The following LRRC43 variants were observed in gnomAD, a reference collection of about 807,000 sequenced individuals.
The protein encoded by LRRC43 is leucine rich repeat containing 43.
Under a neutral mutation model 64.3 loss-of-function variants are expected in LRRC43, and 62 were observed. That is an observed-to-expected ratio of 0.96 (90% confidence interval 0.79 to 1.19). LRRC43 has a LOEUF of 1.19. LRRC43 is among the 50% of genes most tolerant of loss of function. The pLI is 0.00. For missense variants in LRRC43, 868 were observed against 845.0 expected, an observed-to-expected ratio of 1.03 and a Z score of -0.34; for synonymous variants, 422 against 382.3, an observed-to-expected ratio of 1.10 and a Z score of -1.21.
intron 1 of LRRC43, among the ~76,000 whole-genome samples, chr12:122,175,742 C>G (rs1279216883): frequency 6.6e-6 from 1 of 152,062 alleles, no homozygotes; most frequent in African/African-American, 2.4e-5. Context: ...TCTCGGCTCA[C>G]TGCAACCTCC....
intron 1 of LRRC43, chr12:122,174,311 A>G: frequency 1.0e-6 from 1 of 969,028 alleles, no homozygotes; most frequent in South Asian, 1.4e-5. Context: ...CCATTTACTC[A>G]GCTTTTCTCC....
At chr12:122,180,994 T>C (rs1953576144), upstream of LRRC43, among the ~76,000 whole-genome samples, 3 of 151,794 alleles carry the variant, frequency 2.0e-5, no homozygotes, top group South Asian at 6.3e-4. Context: ...GGTGGGTGGA[T>C]CACTTGAGGT....
rs1425262617 is a variant in LRRC43 at position 122,200,805 on chromosome 12, C to A, written c.1680C>A (p.Pro560=). 9.9e-6 allele frequency: 16 copies of A among 1,613,122 alleles called. No individual in the cohort carries two copies. The highest frequency in any genetic ancestry group is 1.4e-5 in the Non-Finnish European group (16 of 1,180,020). Reference sequence around the variant, plus strand: ...CCAAGGAGCTCCGGCAGGACCCCCCCATCCTCCAGGTGCTGGGCCGGGGCC... The same window carrying A: ...CCAAGGAGCTCCGGCAGGACCCCCCAATCCTCCAGGTGCTGGGCCGGGGCC... ...EPPKELRQDP[P]ILQVLGRGLV... Residue 560 remains proline, a synonymous_variant, in exon 10 of 12, where the codon CCC becomes CCA. Transcript: ENST00000339777. This position sits in a 1 kb window ranked among gnomAD's most constrained non-coding sequence, Gnocchi z 4.6.
intron 1 of LRRC43, chr12:122,172,470 T>C (rs756888105): frequency 5.0e-6 from 8 of 1,614,228 alleles, no homozygotes; most frequent in Non-Finnish European, 5.9e-6. Context: ...GTCCATGCAC[T>C]CTGAAAACTG....
Position 122,192,817 on chromosome 12 carries a change from GA to G in LRRC43, c.1164del (p.Asp389ThrfsTer49). ...TGAAGAGGTCGTGGAAGACGTCATCGAAGACATTGTTGAAGAGGTTACTGAA... is the reference window on the plus strand; with the variant it reads ...TGAAGAGGTCGTGGAAGACGTCATCGAGACATTGTTGAAGAGGTTACTGAA... The part of the protein sequence containing the change: ...SPEEVVEDVI[E>X]DIVEEVTEEV... On this transcript the variant is annotated frameshift_variant, in exon 7 of 12. Coordinates refer to ENST00000339777, the MANE Select transcript of LRRC43 (RefSeq NM_001098519.2). LOFTEE classifies it high-confidence loss of function. The G allele has an allele frequency of 6.2e-7, 1 of 1,614,122 alleles. No individual in the cohort carries two copies.
intron 7 of LRRC43, among the ~76,000 whole-genome samples, chr12:122,194,759 C>G (rs11834748): frequency 0.049 from 7,500 of 152,082 alleles, 578 homozygotes; most frequent in African/African-American, 0.16. Context: ...ATGTGGGGCA[C>G]TATGCCTGGG....
chr12:122,183,067 G>T, upstream of LRRC43: 1 of 1,486,954 alleles, frequency 6.7e-7, no homozygotes, highest in Non-Finnish European at 8.9e-7. Context: ...TTTTCCCTCG[G>T]GGCAGGTGAG....
chr12:122,200,823 C>A lies in LRRC43; in HGVS notation c.1698C>A (p.Gly566=). 6.2e-7 allele frequency: 1 copy of A among 1,613,148 alleles called. No homozygotes were observed. The highest frequency in any genetic ancestry group is 8.5e-7 in the Non-Finnish European group (1 of 1,179,992). Residue 566 remains glycine (G), a synonymous_variant, in exon 10 of 12, where the codon GGC becomes GGA. Transcript: ENST00000339777. This position sits in a 1 kb window ranked among gnomAD's most constrained non-coding sequence, Gnocchi z 4.6. ...ACCCCCCCATCCTCCAGGTGCTGGGCCGGGGCCTGGTGATCCTGGAGCCCC... is the reference window on the plus strand; with the variant it reads ...ACCCCCCCATCCTCCAGGTGCTGGGACGGGGCCTGGTGATCCTGGAGCCCC... ...RQDPPILQVL[G]RGLVILEPLL...
chr12:122,190,003 G>A (rs747953730), intron 4 of LRRC43, 127 bp from the exon 5 acceptor site: 2 of 801,192 alleles, frequency 2.5e-6, no homozygotes, highest in Non-Finnish European at 4.3e-6. Context: ...TCAAGGGTAG[G>A]ACAGGGGTGC....
At chr12:122,190,456 C>CAGGA in intron 5 of LRRC43, 88 bp downstream of exon 5, 1 of 1,057,812 alleles carries the variant, frequency 9.5e-7, no homozygotes, top group Non-Finnish European at 1.4e-6. Flanking sequence ...TCCGTGTACC[C>CAGGA]GTCTGTCCTG....
At position 122,190,360 on chromosome 12, in the gene LRRC43, T is replaced by C; in HGVS notation, c.893T>C (p.Leu298Pro). 6.2e-7 allele frequency: 1 copy of C among 1,613,052 alleles called. No homozygotes were observed. The highest frequency in any genetic ancestry group is 1.1e-5 in the South Asian group (1 of 91,044). The change falls in exon 5 of 12, where the codon CTC (leucine) becomes CCC (proline). Residue 298 changes from leucine to proline, a missense_variant. Coordinates refer to ENST00000339777, the MANE Select transcript of LRRC43 (RefSeq NM_001098519.2). ...NEKHLFRGLS[L>P]NGDLLAQEAQ... is the part of the protein sequence containing the mutation. Reference sequence around the variant, plus strand: ...AAGCATCTCTTCCGGGGGCTCAGCCTCAATGGCGGTGAGGGTACTGGCATG... The same window carrying C: ...AAGCATCTCTTCCGGGGGCTCAGCCCCAATGGCGGTGAGGGTACTGGCATG...
At chr12:122,201,945 G>A (rs1432765241) in intron 11 of LRRC43, 2 of 152,436 alleles carry the variant, frequency 1.3e-5, no homozygotes, top group Admixed American at 6.5e-5. Context: ...CCAACATGGT[G>A]AAACCCCGTC....
In LRRC43 at chr12:122,200,629, G is replaced by C; in HGVS notation, c.1589G>C (p.Arg530Thr). The change falls in exon 9 of 12, where the codon AGG becomes ACG. Residue 530 changes from arginine (R) to threonine (T), a missense_variant. Physicochemically the swap from Arg to Thr is moderately conservative, Grantham distance 71 (BLOSUM62 -1). Coordinates refer to ENST00000339777, the MANE Select transcript of LRRC43 (RefSeq NM_001098519.2). The surrounding 1 kb of genome is among the most constrained non-coding windows in gnomAD (Gnocchi z 4.6). ...GACAAGAAAGGGAAGGAGAAAGACAGGACGGGGAAAGGAGAGAAAGAGCCG... is the reference window on the plus strand; with the variant it reads ...GACAAGAAAGGGAAGGAGAAAGACACGACGGGGAAAGGAGAGAAAGAGCCG... ...EKDKKGKEKDRTGKGEKEPAK... is the reference protein window; with the variant it reads ...EKDKKGKEKDTTGKGEKEPAK... 1 of 1,529,764 alleles carries C rather than the reference G, an allele frequency of 6.5e-7. No individual in the cohort carries two copies. Among genetic ancestry groups the C allele is most frequent in the Non-Finnish European group, 9.0e-7 (1 of 1,106,218 alleles). 94.8% of individuals were successfully genotyped at this position (1,529,764 alleles called of 1,614,324 possible). A position where few individuals can be genotyped will look rare whatever the true frequency, so the allele number is the denominator to read the frequency against.
chr12:122,197,043 C>T (rs768023240), intron 7 of LRRC43, among the ~76,000 whole-genome samples: 31 of 152,110 alleles, frequency 2.0e-4, no homozygotes, highest in Admixed American at 1.3e-4. Flanking sequence ...GGGGCAGTCA[C>T]GACAGGTCAT....
upstream of LRRC43, among the ~76,000 whole-genome samples, chr12:122,180,754 G>A (rs907336041): frequency 2.6e-5 from 4 of 152,076 alleles, no homozygotes; most frequent in Non-Finnish European, 2.9e-5. Flanking sequence ...ACGCCCATTG[G>A]CATCTGGACC....
At chr12:122,172,167 G>A (rs572138294) in intron 1 of LRRC43, 2 of 436,708 alleles carry the variant, frequency 4.6e-6, no homozygotes, top group Admixed American at 4.0e-5. Flanking sequence ...TAATAAGTAA[G>A]ACTTAAGCCT....
intron 7 of LRRC43, among the ~76,000 whole-genome samples, chr12:122,193,379 C>CAAAA (rs1454068315): frequency 1.0e-3 from 44 of 44,022 alleles, no homozygotes; most frequent in Non-Finnish European, 1.5e-3. Context: ...GACTCCGTCT[C>CAAAA]ATAAAAAAAA....
chr12:122,199,236 C>G (rs4758676), intron 7 of LRRC43, among the ~76,000 whole-genome samples: 149,368 of 149,986 alleles, frequency 1, 74,378 homozygotes, highest in Middle Eastern at 1. Context: ...AACTCCAGTC[C>G]CCTCTGTGTT....
At chr12:122,172,316 G>A (rs1953492480) in intron 1 of LRRC43, 5 of 880,032 alleles carry the variant, frequency 5.7e-6, no homozygotes, top group Admixed American at 2.4e-5. Context: ...TTGGAAAAAT[G>A]TACTTAAGGA....
Sources: gnomAD v4.1 joint callset for allele counts (sites outside exome capture counted in the v4.1 genomes callset) on GRCh38, gnomAD v4.1.1 for gene constraint, Gnocchi (gnomAD v3.1) non-coding constraint, MANE v1.5 for transcripts, NCBI Gene and HGNC (gene_info 2026-07-23, HGNC 2026-07-21) for gene names.